Variants in ATP9A observed in about 807,000 individuals in gnomAD.
The protein encoded by ATP9A is probable phospholipid-transporting ATPase IIA.
In ATP9A, 52 loss-of-function variants were observed where a neutral mutation model predicts 144.1. That is an observed-to-expected ratio of 0.36 (90% CI 0.29 to 0.45). The LOEUF (loss-of-function observed/expected upper bound fraction) is 0.45. ATP9A is among the 20% of genes least tolerant of loss of function. The pLI is 1.00. For missense variants in ATP9A, 947 were observed against 1,392.7 expected, an observed-to-expected ratio of 0.68 and a Z score of 5.09; for synonymous variants, 582 against 557.4, an observed-to-expected ratio of 1.04 and a Z score of -0.62.
At chr20:51,752,765 C>T (rs79619702) in intron 1 of ATP9A, among the ~76,000 whole-genome samples, 1 of 152,152 alleles carries the variant, frequency 6.6e-6, no homozygotes, top group South Asian at 2.1e-4. Flanking sequence ...CCTCTCTCTA[C>T]TTTCTCTTTG....
chr20:51,626,789 G>A (rs995305799), intron 17 of ATP9A, among the ~76,000 whole-genome samples: 12 of 152,134 alleles, frequency 7.9e-5, no homozygotes, highest in African/African-American at 2.9e-4. Flanking sequence ...AGGCACAGTG[G>A]CTCACACCTG....
chr20:51,619,047 G>T lies in ATP9A; in HGVS notation c.2116-4C>A. ...GAGCCTCCCCGCGGTTGGTCACCTGGAAGGGAACAGAGATGGGGAAGGAGG... is the reference window on the plus strand; with the variant it reads ...GAGCCTCCCCGCGGTTGGTCACCTGTAAGGGAACAGAGATGGGGAAGGAGG... On this transcript the variant is annotated splice_region_variant and splice_polypyrimidine_tract_variant and intron_variant, in intron 19 of 27. Transcript: ENST00000338821. The T allele has an allele frequency of 2.5e-6, 4 of 1,612,104 alleles. No individual in the cohort carries two copies. Among genetic ancestry groups the T allele is most frequent in the Non-Finnish European group, 3.4e-6 (4 of 1,178,178 alleles).
chr20:51,613,656 A>C, intron 23 of ATP9A, 21 bp downstream of exon 23: 2 of 1,605,616 alleles, frequency 1.2e-6, no homozygotes, highest in Non-Finnish European at 1.7e-6. Context: ...ACATGTGCAG[A>C]GGGGCCAGCT....
At chr20:51,601,393 G>A (rs555016587) in intron 27 of ATP9A, 46 bp from the exon 28 acceptor site, 27 of 1,556,232 alleles carry the variant, frequency 1.7e-5, no homozygotes, top group Middle Eastern at 1.7e-4. Flanking sequence ...GGAATATTCC[G>A]GAAGGTGCAT....
chr20:51,714,256 C>T (rs556818910), intron 3 of ATP9A, among the ~76,000 whole-genome samples: 1 of 152,088 alleles, frequency 6.6e-6, no homozygotes. Context: ...GACCTTGGCT[C>T]ACTGCAATCT....
At chr20:51,648,850 C>T (rs1029118088) in intron 14 of ATP9A, among the ~76,000 whole-genome samples, 6 of 152,032 alleles carry the variant, frequency 3.9e-5, no homozygotes, top group Non-Finnish European at 7.4e-5. Context: ...AAGCAAAACA[C>T]ATTAAAAAAG....
At chr20:51,674,415 C>G (rs779104118) in intron 10 of ATP9A, 102 bp from the exon 11 acceptor site, 6 of 1,182,676 alleles carry the variant, frequency 5.1e-6, no homozygotes, top group Non-Finnish European at 7.2e-6. Flanking sequence ...CCTCACTGCA[C>G]TAACTCAGCC....
intron 14 of ATP9A, among the ~76,000 whole-genome samples, chr20:51,643,238 C>T (rs1216136997): frequency 6.6e-6 from 1 of 152,220 alleles, no homozygotes; most frequent in African/African-American, 2.4e-5. Flanking sequence ...ATACTGACCT[C>T]TACCTTTCAA....
chr20:51,625,721 C>A (rs780247560), intron 17 of ATP9A, among the ~76,000 whole-genome samples: 3 of 152,220 alleles, frequency 2.0e-5, no homozygotes, highest in Admixed American at 6.5e-5. Flanking sequence ...TAAGTTCTCC[C>A]ATACACAACA....
intron 4 of ATP9A, among the ~76,000 whole-genome samples, chr20:51,712,701 AAAATGT>A (rs2077644888): frequency 6.6e-6 from 1 of 152,220 alleles, no homozygotes; most frequent in Non-Finnish European, 1.5e-5. Context: ...GCCAGCACAC[AAAATGT>A]AATTCCAGGT....
chr20:51,709,491 C>T (rs1019538694), intron 4 of ATP9A, among the ~76,000 whole-genome samples: 1 of 151,820 alleles, frequency 6.6e-6, no homozygotes, highest in Non-Finnish European at 1.5e-5. Context: ...TTCCAGCCTG[C>T]GCGAGGGGGT....
intron 15 of ATP9A, among the ~76,000 whole-genome samples, chr20:51,634,745 C>T (rs910784604): frequency 6.6e-6 from 1 of 150,580 alleles, no homozygotes; most frequent in African/African-American, 2.4e-5. Context: ...ATCCCAGCTA[C>T]TCGGGAGGCT....
chr20:51,597,993 T>C lies in ATP9A; in HGVS notation c.*3218A>G, dbSNP rs951211908. On this transcript the variant is annotated 3_prime_UTR_variant, in exon 28 of 28. Transcript: ENST00000338821. ...GGCCCCAGGGGCTGGAAAAGGGAGG[T>C]CTGCTCCAACTTTAAGATGCGCCCT... 6.6e-6 allele frequency: 1 copy of C among 150,500 alleles called. No homozygotes were observed. Among genetic ancestry groups the C allele is most frequent in the African/African-American group, 2.5e-5 (1 of 40,792 alleles). 9.3% of individuals were successfully genotyped at this position (150,500 alleles called of 1,614,324 possible).
At chr20:51,725,736 C>A in intron 3 of ATP9A, 83 bp downstream of exon 3, 1 of 965,174 alleles carries the variant, frequency 1.0e-6, no homozygotes. Flanking sequence ...CCATCCCATT[C>A]CAGATGCCTA....
Position 51,664,329 on chromosome 20 carries a change from G to A in ATP9A, c.1293+5668C>T, listed in dbSNP as rs184107439. The stretch of plus-strand genomic sequence containing the variant: ...GGGCTGGCTGCAGTGGCTCATGCCT[G>A]TAATCCCAGCACTTTGAGAGGCTGA... On this transcript the variant is annotated intron_variant, in intron 13 of 27. Transcript: ENST00000338821. 3.2e-3 allele frequency among the ~76,000 whole-genome samples: 491 copies of A among 152,238 alleles called. 3 individuals carry two copies. The highest frequency in any genetic ancestry group is 0.017 in the Middle Eastern group (5 of 294).
At chr20:51,633,369 G>A (rs989826397) in intron 15 of ATP9A, among the ~76,000 whole-genome samples, 1 of 152,126 alleles carries the variant, frequency 6.6e-6, no homozygotes, top group African/African-American at 2.4e-5. Context: ...AAATGTGTGT[G>A]GATATTTACA....
At chr20:51,659,314 A>T (rs2077401848) in intron 13 of ATP9A, among the ~76,000 whole-genome samples, 1 of 152,256 alleles carries the variant, frequency 6.6e-6, no homozygotes, top group Admixed American at 6.5e-5. Context: ...ATTAGACCAT[A>T]GAAACAGAAG....
chr20:51,599,576 C>A lies in ATP9A; in HGVS notation c.*1635G>T, dbSNP rs2077133601. 6.6e-6 allele frequency: 1 copy of A among 152,128 alleles called. No individual in the cohort carries two copies. The highest frequency in any genetic ancestry group is 2.4e-5 in the African/African-American group (1 of 41,410). 9.4% of individuals were successfully genotyped at this position (152,128 alleles called of 1,614,324 possible). A position where few individuals can be genotyped will look rare whatever the true frequency, so the allele number is the denominator to read the frequency against. On this transcript the variant is annotated 3_prime_UTR_variant, in exon 28 of 28. Coordinates refer to ENST00000338821, the MANE Select transcript of ATP9A (RefSeq NM_006045.3). ...ACAAAATAGATGTGGTGTCAACAGCCAATTAACCAGTACCTGCAACGTAAA... is the reference window on the plus strand; with the variant it reads ...ACAAAATAGATGTGGTGTCAACAGCAAATTAACCAGTACCTGCAACGTAAA...
intron 5 of ATP9A, among the ~76,000 whole-genome samples, chr20:51,696,562 T>C (rs1237949036): frequency 6.6e-6 from 1 of 152,088 alleles, no homozygotes; most frequent in Non-Finnish European, 1.5e-5. Context: ...TTAGTGGATT[T>C]TAATAAGGAA....
Sources: gnomAD v4.1 joint callset for allele counts (sites outside exome capture counted in the v4.1 genomes callset) on GRCh38, gnomAD v4.1.1 for gene constraint, MANE v1.5 for transcripts, NCBI Gene and HGNC (gene_info 2026-07-23, HGNC 2026-07-21) for gene names.